Variants in ORC4 observed in about 807,000 individuals in gnomAD.
ORC4 encodes origin recognition complex subunit 4, also known as origin recognition complex, subunit 4 homolog.
A neutral mutation model predicts 63.9 loss-of-function variants in ORC4; 55 were observed. The observed-to-expected ratio is 0.86, with a 90% confidence interval of 0.69 to 1.08. The LOEUF is 1.08. Among genes scored for constraint, ORC4 ranks in the 50% least tolerant of loss-of-function variants. The probability of loss-of-function intolerance (pLI) is 0.00; values close to 1 mark genes in which losing one functional copy is unlikely to be tolerated. For missense variants in ORC4, 511 were observed against 504.4 expected (o/e 1.01, Z -0.13); for synonymous variants, 150 against 168.5 (o/e 0.89, Z 0.85).
chr2:148,000,319 G>T (rs556959056), intron 1 of ORC4, among the ~76,000 whole-genome samples: 4 of 152,214 alleles, frequency 2.6e-5, no homozygotes, highest in Non-Finnish European at 4.4e-5. Context: ...CATTTGATAA[G>T]TTTCAAAATG....
chr2:147,939,154 G>T lies in ORC4; in HGVS notation c.944C>A (p.Ala315Glu). 6.2e-7 allele frequency: 1 copy of T among 1,602,088 alleles called. No homozygotes were observed. ...TGGGTTCTCACCATGTACAATATTTGCTTTCGAGTCCATGCTACACAGTTG... is the reference window on the plus strand; with the variant it reads ...TGGGTTCTCACCATGTACAATATTTTCTTTCGAGTCCATGCTACACAGTTG... ...ASQLCSMDSK[A>E]NIVHGLSVLE... The change falls in exon 11 of 14, where the codon GCA (alanine) becomes GAA (glutamate). Residue 315 changes from alanine to glutamate, a missense_variant. Ala to Glu is a moderately radical substitution (Grantham distance 107). Coordinates refer to ENST00000392857, the MANE Select transcript of ORC4 (RefSeq NM_181741.4).
chr2:147,981,279 T>C (rs1175914162), intron 1 of ORC4, among the ~76,000 whole-genome samples: 1 of 152,102 alleles, frequency 6.6e-6, no homozygotes, highest in Non-Finnish European at 1.5e-5. Context: ...GGCTACTGAG[T>C]GATTATGGGA....
intron 13 of ORC4, 116 bp from the exon 14 acceptor site, chr2:147,935,814 C>A: frequency 1.3e-6 from 1 of 756,008 alleles, no homozygotes; most frequent in Non-Finnish European, 2.3e-6. Context: ...TACTGGGAAG[C>A]AAAATGTAAC....
intron 1 of ORC4, among the ~76,000 whole-genome samples, chr2:148,014,849 G>C (rs1020924789): frequency 1.3e-5 from 2 of 152,088 alleles, no homozygotes; most frequent in Non-Finnish European, 2.9e-5. Context: ...GTTATATAAG[G>C]AATTTGAGCT....
At position 147,943,481 on chromosome 2, in the gene ORC4, C is replaced by T; in HGVS notation, c.804G>A (p.Lys268=). The T allele has an allele frequency of 6.2e-7, 1 of 1,600,016 alleles. No homozygotes were observed. ...EDRSVQEVLQ[K]HFNISKNLRS... is the part of the protein sequence containing the mutation. ...GCAGGTTTTTGCTGATATTGAAATGCTTCTGTAGTACTTCTTGCACACTTC... is the reference window on the plus strand; with the variant it reads ...GCAGGTTTTTGCTGATATTGAAATGTTTCTGTAGTACTTCTTGCACACTTC... The change falls in exon 10 of 14, where the codon AAG becomes AAA. Residue 268 remains lysine (K), a synonymous_variant. Transcript: ENST00000392857.
intron 1 of ORC4, among the ~76,000 whole-genome samples, chr2:147,999,930 A>G (rs531970393): frequency 6.6e-6 from 1 of 152,058 alleles, no homozygotes; most frequent in Non-Finnish European, 1.5e-5. Context: ...TAATTCATAA[A>G]AAGAAAACAT....
intron 1 of ORC4, among the ~76,000 whole-genome samples, chr2:147,980,801 G>C (rs888701977): frequency 1.3e-5 from 2 of 152,164 alleles, no homozygotes; most frequent in African/African-American, 2.4e-5. Context: ...ATGGAAAACA[G>C]TATGGAGGTT....
chr2:147,952,312 G>C, intron 8 of ORC4, 61 bp downstream of exon 8: 1 of 1,256,792 alleles, frequency 8.0e-7, no homozygotes, highest in Non-Finnish European at 1.1e-6. Flanking sequence ...AGCAGTGTCA[G>C]CAATTAAGCT....
At chr2:147,979,036 C>T (rs1444895821) in intron 1 of ORC4, among the ~76,000 whole-genome samples, 5 of 152,114 alleles carry the variant, frequency 3.3e-5, no homozygotes, top group African/African-American at 9.7e-5. Flanking sequence ...GAAGCTTTCC[C>T]TCTAAGATCA....
At chr2:148,000,513 A>G (rs1364045232) in intron 1 of ORC4, among the ~76,000 whole-genome samples, 1 of 152,186 alleles carries the variant, frequency 6.6e-6, no homozygotes, top group Non-Finnish European at 1.5e-5. Context: ...TTATATAAAT[A>G]TAATACCACA....
chr2:147,988,363 T>A (rs967139683), intron 1 of ORC4, among the ~76,000 whole-genome samples: 3 of 130,350 alleles, frequency 2.3e-5, no homozygotes, highest in African/African-American at 1.1e-4. Context: ...ACTTACTGAA[T>A]TTTTTTTTTT....
chr2:147,931,336 T>A lies in ORC4; in HGVS notation c.*4174A>T, dbSNP rs1394641233. 1 of 151,976 alleles carries A rather than the reference T, an allele frequency of 6.6e-6. No homozygotes were observed. Among genetic ancestry groups the A allele is most frequent in the East Asian group, 1.9e-4 (1 of 5,180 alleles). 9.4% of individuals were successfully genotyped at this position (151,976 alleles called of 1,614,324 possible). On this transcript the variant is annotated 3_prime_UTR_variant, in exon 14 of 14. Coordinates refer to ENST00000392857, the MANE Select transcript of ORC4 (RefSeq NM_181741.4). The stretch of plus-strand genomic sequence containing the variant: ...AAACATACGTGTGCATGTGTCTTTA[T>A]AGCAGCATGATTTATAGTCCTTTGG...
Position 147,945,017 on chromosome 2 carries a change from A to T in ORC4, c.763-1495T>A, listed in dbSNP as rs17225586. 7.2e-3 allele frequency among the ~76,000 whole-genome samples: 1,102 copies of T among 152,218 alleles called. 14 individuals carry two copies. Among genetic ancestry groups the T allele is most frequent in the Middle Eastern group, 0.034 (10 of 294 alleles). On this transcript the variant is annotated intron_variant, in intron 9 of 13. Transcript: ENST00000392857. ...AGTAATACCTTTTGGAAATTAAAAA[A>T]AAATTTGTTTAGCTTTTCCAGTTTT...
chr2:147,935,085 G>GA lies in ORC4; in HGVS notation c.*424dup, dbSNP rs1687975867. On this transcript the variant is annotated 3_prime_UTR_variant, in exon 14 of 14. Coordinates refer to ENST00000392857, the MANE Select transcript of ORC4 (RefSeq NM_181741.4). ...AGAATCCAAAATTTGCATGTGGACA[G>GA]AAAAAAACACTGCAGCAAACCTGCT... The GA allele has an allele frequency of 1.2e-5, 2 of 160,432 alleles. No individual in the cohort carries two copies. The highest frequency in any genetic ancestry group is 1.8e-4 in the East Asian group (1 of 5,608). The allele number at this position is 160,432 out of a possible 1,614,324, so 9.9% of individuals were successfully genotyped here.
chr2:147,956,884 T>C (rs1269616139), intron 6 of ORC4, among the ~76,000 whole-genome samples: 17 of 151,846 alleles, frequency 1.1e-4, no homozygotes, highest in Non-Finnish European at 7.4e-5. Flanking sequence ...CCAGATCAAC[T>C]GGGAACCAAA....
intron 1 of ORC4, among the ~76,000 whole-genome samples, chr2:148,013,424 G>A (rs549113062): frequency 6.6e-6 from 1 of 152,236 alleles, no homozygotes; most frequent in South Asian, 2.1e-4. Context: ...GGCTGGGAAG[G>A]GTAGTGTTGA....
intron 5 of ORC4, 147 bp from the exon 6 acceptor site, chr2:147,958,530 G>A (rs12463798): frequency 2.5e-5 from 16 of 630,854 alleles, no homozygotes; most frequent in Non-Finnish European, 3.1e-5. Flanking sequence ...AAAGACATTC[G>A]GTAGAATCAA....
chr2:147,958,180 A>G (rs1297513400), intron 6 of ORC4, 118 bp downstream of exon 6: 1 of 655,154 alleles, frequency 1.5e-6, no homozygotes, highest in Non-Finnish European at 2.7e-6. Flanking sequence ...AGAATCTCAT[A>G]TATTTCAATT....
intron 1 of ORC4, among the ~76,000 whole-genome samples, chr2:148,012,424 C>G (rs1428421745): frequency 1.3e-5 from 2 of 152,156 alleles, no homozygotes; most frequent in Non-Finnish European, 2.9e-5. Flanking sequence ...TAGACCCCAA[C>G]TCTTGCCATA....
Sources: gnomAD v4.1 joint callset for allele counts (sites outside exome capture counted in the v4.1 genomes callset) on GRCh38, gnomAD v4.1.1 for gene constraint, MANE v1.5 for transcripts, NCBI Gene and HGNC (gene_info 2026-07-23, HGNC 2026-07-21) for gene names.